EEPD1: variants seen among roughly 807,000 people sequenced by gnomAD.
The protein encoded by EEPD1 is endonuclease/exonuclease/phosphatase family domain containing 1, also known as endonuclease/exonuclease/phosphatase family domain-containing protein 1.
A neutral mutation model predicts 46.3 loss-of-function variants in EEPD1; 17 were observed. That is an observed-to-expected ratio of 0.37 (90% CI 0.25 to 0.55). EEPD1 has a LOEUF of 0.55. Ranked by LOEUF, EEPD1 falls within the 20% of genes least tolerant of loss-of-function variation. The pLI is 0.83. For missense variants in EEPD1, 673 were observed against 745.6 expected, an observed-to-expected ratio of 0.90 and a Z score of 1.13; for synonymous variants, 313 against 315.6, an observed-to-expected ratio of 0.99 and a Z score of 0.09.
At chr7:36,289,711 G>A (rs929696716) in intron 6 of EEPD1, among the ~76,000 whole-genome samples, 4 of 152,290 alleles carry the variant, frequency 2.6e-5, no homozygotes, top group African/African-American at 9.6e-5. Context: ...AGCCAGGATG[G>A]TCTCAATCTC....
chr7:36,237,955 A>AT (rs1786487590), intron 2 of EEPD1, among the ~76,000 whole-genome samples: 1 of 152,238 alleles, frequency 6.6e-6, no homozygotes, highest in Admixed American at 6.5e-5. Flanking sequence ...TCTCAAAAAA[A>AT]GAAAAAAGAA....
intron 2 of EEPD1, among the ~76,000 whole-genome samples, chr7:36,187,366 A>C (rs1292897413): frequency 3.9e-5 from 6 of 152,128 alleles, no homozygotes; most frequent in Non-Finnish European, 8.8e-5. Flanking sequence ...TCATCTTTTC[A>C]AACTGAAACT....
chr7:36,219,775 AAGAGAGAGAG>A (rs752270283), intron 2 of EEPD1, among the ~76,000 whole-genome samples: 1,922 of 118,914 alleles, frequency 0.016, 60 homozygotes, highest in African/African-American at 0.061. Flanking sequence ...GAGAGAGAGA[AAGAGAGAGAG>A]AGAGAGAGAG....
At chr7:36,202,072 G>T (rs1785721204) in intron 2 of EEPD1, among the ~76,000 whole-genome samples, 1 of 152,214 alleles carries the variant, frequency 6.6e-6, no homozygotes, top group African/African-American at 2.4e-5. Flanking sequence ...GGTGGTTCAT[G>T]ATTCAAGCTT....
At chr7:36,251,429 G>C (rs1786737741) in intron 3 of EEPD1, among the ~76,000 whole-genome samples, 1 of 152,140 alleles carries the variant, frequency 6.6e-6, no homozygotes, top group African/African-American at 2.4e-5. Context: ...TCCTGCCTCA[G>C]CCTCCCGAGT....
At position 36,225,055 on chromosome 7, in the gene EEPD1, A is replaced by T. The variant is rs1218459321; in HGVS notation, c.879-13930A>T. ...ATGCAGGCAGCCACCAGAGACAAAA[A>T]AAAAATAGGCTCTCCTCTCGAGCCT... On this transcript the variant is annotated intron_variant, in intron 2 of 7. Transcript: ENST00000242108. The surrounding 1 kb of genome is among the most constrained non-coding windows in gnomAD (Gnocchi z 4.2). Among the ~76,000 whole-genome samples, 1 of 152,118 alleles carries T rather than the reference A, an allele frequency of 6.6e-6. No individual in the cohort carries two copies. Among genetic ancestry groups the T allele is most frequent in the East Asian group, 1.9e-4 (1 of 5,182 alleles).
At chr7:36,196,606 G>A (rs1785594254) in intron 2 of EEPD1, among the ~76,000 whole-genome samples, 1 of 152,260 alleles carries the variant, frequency 6.6e-6, no homozygotes, top group Admixed American at 6.5e-5. Flanking sequence ...TGGGGACGGG[G>A]TTTCACTGTG....
intron 3 of EEPD1, among the ~76,000 whole-genome samples, chr7:36,246,051 T>C (rs1348270047): frequency 1.3e-5 from 2 of 152,222 alleles, no homozygotes; most frequent in East Asian, 3.8e-4. Context: ...TTCAAATGGC[T>C]TCCTGCAAAG....
intron 3 of EEPD1, among the ~76,000 whole-genome samples, chr7:36,241,473 A>AAAATAAAT (rs534305995): frequency 1.2e-4 from 18 of 152,092 alleles, no homozygotes; most frequent in South Asian, 1.0e-3. Context: ...ACTCTGTCTC[A>AAAATAAAT]AAATAAATAA....
chr7:36,213,709 T>C (rs1196498585), intron 2 of EEPD1, among the ~76,000 whole-genome samples: 1 of 152,120 alleles, frequency 6.6e-6, no homozygotes, highest in Admixed American at 6.5e-5. Context: ...CCCACAGCCT[T>C]AACTACCCCT....
intron 2 of EEPD1, among the ~76,000 whole-genome samples, chr7:36,179,781 G>A (rs1179314261): frequency 6.6e-6 from 1 of 150,588 alleles, no homozygotes; most frequent in Non-Finnish European, 1.5e-5. Context: ...AACTGTATCT[G>A]TACAGTGGTT....
intron 3 of EEPD1, among the ~76,000 whole-genome samples, chr7:36,242,919 ACT>A (rs564911035): frequency 1.2e-3 from 183 of 152,114 alleles, no homozygotes; most frequent in African/African-American, 4.3e-3. Context: ...ACAGAGTGAA[ACT>A]CTGTCTCAAA....
At chr7:36,248,150 G>C (rs1786670457) in intron 3 of EEPD1, among the ~76,000 whole-genome samples, 1 of 151,970 alleles carries the variant, frequency 6.6e-6, no homozygotes, top group African/African-American at 2.4e-5. Context: ...TTTGGGCTTG[G>C]TGTCCAAATG....
chr7:36,234,935 C>T (rs1786404457), intron 2 of EEPD1, among the ~76,000 whole-genome samples: 1 of 147,788 alleles, frequency 6.8e-6, no homozygotes, highest in East Asian at 2.0e-4. Flanking sequence ...CAGGCCTCCC[C>T]CATGGCCTCC....
At chr7:36,243,744 G>A (rs196541) in intron 3 of EEPD1, among the ~76,000 whole-genome samples, 18,634 of 152,050 alleles carry the variant, frequency 0.12, 1,548 homozygotes, top group Non-Finnish European at 0.18. Context: ...CATGTCCTTT[G>A]TAGGGACATG....
In EEPD1 at chr7:36,191,479, C is replaced by T. The variant is rs554500795; in HGVS notation, c.878+36277C>T. Among the ~76,000 whole-genome samples, 4 of 152,302 alleles carry T rather than the reference C, an allele frequency of 2.6e-5. No individual in the cohort carries two copies. In the East Asian group the frequency reaches 7.7e-4, roughly 29 times the overall value. ...GATGCTGTGGTAGACTCTGGAACCA[C>T]CAGTGATGCTGCTGTCATCCTGGCA... On this transcript the variant is annotated intron_variant, in intron 2 of 7. Coordinates refer to ENST00000242108, the MANE Select transcript of EEPD1 (RefSeq NM_030636.3).
chr7:36,296,283 C>A lies in EEPD1; in HGVS notation c.1316-710C>A, dbSNP rs192291282. On this transcript the variant is annotated intron_variant, in intron 6 of 7. Transcript: ENST00000242108. Reference sequence around the variant, plus strand: ...GTTCCCAATCGAGGAGTGGCTGCTGCTTATATCTCCAACCTCATCTTTAAC... The same window carrying A: ...GTTCCCAATCGAGGAGTGGCTGCTGATTATATCTCCAACCTCATCTTTAAC... Among the ~76,000 whole-genome samples, 166 of 152,246 alleles carry A rather than the reference C, an allele frequency of 1.1e-3. 1 individual carries two copies. Among genetic ancestry groups the A allele is most frequent in the Admixed American group, 4.5e-3 (69 of 15,292 alleles).
At chr7:36,173,488 A>G (rs1785126163) in intron 2 of EEPD1, among the ~76,000 whole-genome samples, 2 of 150,432 alleles carry the variant, frequency 1.3e-5, no homozygotes, top group Non-Finnish European at 3.0e-5. Context: ...ACAGAGTGAG[A>G]CTCCGTCTTA....
chr7:36,203,623 C>T (rs1021103627), intron 2 of EEPD1, among the ~76,000 whole-genome samples: 8 of 152,120 alleles, frequency 5.3e-5, no homozygotes, highest in Non-Finnish European at 7.3e-5. Context: ...GATAGGAACA[C>T]GGCAATAAAA....
Sources: allele counts gnomAD v4.1 joint callset (sites outside exome capture counted in the v4.1 genomes callset), GRCh38; gene constraint gnomAD v4.1.1; non-coding constraint Gnocchi (gnomAD v3.1); transcripts MANE v1.5; gene names NCBI Gene and HGNC (gene_info 2026-07-23, HGNC 2026-07-21).